The following RIMS2 variants were observed in gnomAD, a reference collection of about 807,000 sequenced individuals.
RIMS2 encodes the protein regulating synaptic membrane exocytosis 2.
A neutral mutation model predicts 174.4 loss-of-function variants in RIMS2; 59 were observed. The observed-to-expected ratio is 0.34, with a 90% CI of 0.27 to 0.42. RIMS2 has a LOEUF of 0.42. Among genes scored for constraint, RIMS2 ranks in the 10% least tolerant of loss-of-function variants. The pLI, the probability that RIMS2 is intolerant of heterozygous loss-of-function variation, is 1.00. For synonymous variants in RIMS2, 606 were observed against 572.5 expected (o/e 1.06, Z -0.84); for missense variants, 1,620 against 1,666.3 (o/e 0.97, Z 0.48).
intron 3 of RIMS2, among the ~76,000 whole-genome samples, chr8:103,783,748 A>G: frequency 6.6e-6 from 1 of 151,280 alleles, no homozygotes. Flanking sequence ...GTGTCTTTAT[A>G]GCAGCATGAT....
intron 1 of RIMS2, among the ~76,000 whole-genome samples, chr8:103,562,095 G>T (rs545476862): frequency 1.3e-5 from 2 of 152,162 alleles, no homozygotes; most frequent in Non-Finnish European, 2.9e-5. Context: ...TGAGATTTGG[G>T]TGAGGAAACA....
intron 19 of RIMS2, among the ~76,000 whole-genome samples, chr8:104,186,477 T>C (rs1226361994): frequency 6.6e-6 from 1 of 151,780 alleles, no homozygotes; most frequent in African/African-American, 2.4e-5. Context: ...ATATTTCTAC[T>C]ACTCTTTACT....
At chr8:103,884,018 G>A (rs1401809505) in intron 3 of RIMS2, among the ~76,000 whole-genome samples, 1 of 151,912 alleles carries the variant, frequency 6.6e-6, no homozygotes, top group East Asian at 1.9e-4. Flanking sequence ...TGTAGCTTCT[G>A]GTTCCTGAAT....
At chr8:103,824,522 T>G (rs926427796) in intron 3 of RIMS2, among the ~76,000 whole-genome samples, 1 of 152,126 alleles carries the variant, frequency 6.6e-6, no homozygotes, top group Non-Finnish European at 1.5e-5. Flanking sequence ...TAGGGAAAAA[T>G]GGAAAAACCC....
chr8:103,615,281 G>A (rs1204647628), intron 1 of RIMS2, among the ~76,000 whole-genome samples: 1 of 152,112 alleles, frequency 6.6e-6, no homozygotes, highest in Admixed American at 6.5e-5. Context: ...CATGACTTCT[G>A]GGTAAATAAT....
intron 1 of RIMS2, among the ~76,000 whole-genome samples, chr8:103,534,544 C>T (rs751514305): frequency 2.9e-4 from 44 of 152,282 alleles, no homozygotes; most frequent in South Asian, 1.5e-3. Flanking sequence ...AAAACATTCT[C>T]ATTGTTTGAT....
At chr8:104,113,177 G>A (rs1048385526) in intron 19 of RIMS2, among the ~76,000 whole-genome samples, 1 of 152,058 alleles carries the variant, frequency 6.6e-6, no homozygotes, top group Non-Finnish European at 1.5e-5. Context: ...TATGTCAGTG[G>A]TTGTCAAATC....
intron 2 of RIMS2, among the ~76,000 whole-genome samples, chr8:103,713,353 T>C (rs1293579129): frequency 6.6e-6 from 1 of 152,152 alleles, no homozygotes; most frequent in Non-Finnish European, 1.5e-5. Context: ...TTGCGGTAAA[T>C]ACATTAGAAT....
chr8:103,740,316 T>C (rs1247314204), intron 2 of RIMS2, among the ~76,000 whole-genome samples: 1 of 152,212 alleles, frequency 6.6e-6, no homozygotes, highest in Admixed American at 6.6e-5. Context: ...TGAGTATTAC[T>C]GCATAAGCCA....
At chr8:104,140,215 CTG>C (rs2098554702) in intron 19 of RIMS2, among the ~76,000 whole-genome samples, 1 of 152,074 alleles carries the variant, frequency 6.6e-6, no homozygotes, top group Admixed American at 6.6e-5. Context: ...ATTCTAACCA[CTG>C]TATTATTTAT....
intron 1 of RIMS2, 122 bp downstream of exon 1, chr8:103,501,184 C>G: frequency 1.5e-6 from 1 of 652,820 alleles, no homozygotes; most frequent in Non-Finnish European, 2.3e-6. Flanking sequence ...GCCCAGGCCA[C>G]GAGGGCTGCG....
chr8:104,192,740 G>A (rs1024416659), intron 19 of RIMS2, among the ~76,000 whole-genome samples: 44 of 152,092 alleles, frequency 2.9e-4, no homozygotes, highest in African/African-American at 1.0e-3. Flanking sequence ...CTTTTAGCAT[G>A]AGTAAGCCTT....
chr8:103,533,847 T>C (rs1285629513), intron 1 of RIMS2, among the ~76,000 whole-genome samples: 2 of 152,196 alleles, frequency 1.3e-5, no homozygotes, highest in Non-Finnish European at 2.9e-5. Context: ...TGAATCATCA[T>C]GTGTTACTGA....
At chr8:103,625,713 C>T (rs914079017) in intron 1 of RIMS2, among the ~76,000 whole-genome samples, 1 of 152,022 alleles carries the variant, frequency 6.6e-6, no homozygotes, top group Non-Finnish European at 1.5e-5. Flanking sequence ...ATTCAGCAAA[C>T]ATTTAACAGA....
At chr8:104,174,953 A>G (rs1239658041) in intron 19 of RIMS2, among the ~76,000 whole-genome samples, 1 of 152,162 alleles carries the variant, frequency 6.6e-6, no homozygotes, top group Non-Finnish European at 1.5e-5. Flanking sequence ...ATGCTTAAGT[A>G]CTCTCTACAA....
At position 104,127,194 on chromosome 8, in the gene RIMS2, G is replaced by A. The variant is rs1031013943; in HGVS notation, c.3334+112579G>A. Reference sequence around the variant, plus strand: ...TTTTTCCATAAGTATGCCTGCTTTTGGCTATTCTAAAATAAAATACCCTAA... The same window carrying A: ...TTTTTCCATAAGTATGCCTGCTTTTAGCTATTCTAAAATAAAATACCCTAA... On this transcript the variant is annotated intron_variant, in intron 19 of 23. Transcript: ENST00000504942. Among the ~76,000 whole-genome samples, 6 of 151,940 alleles carry A rather than the reference G, an allele frequency of 3.9e-5. No homozygotes were observed. In the Middle Eastern group the frequency reaches 0.01, roughly 258 times the overall value.
intron 3 of RIMS2, among the ~76,000 whole-genome samples, chr8:103,865,912 A>G (rs1447534056): frequency 2.0e-5 from 3 of 152,110 alleles, no homozygotes; most frequent in Non-Finnish European, 1.5e-5. Flanking sequence ...TGATAATGCA[A>G]TTGGATTTAG....
chr8:104,035,858 GA>G (rs1368112000), intron 19 of RIMS2, among the ~76,000 whole-genome samples: 1 of 151,824 alleles, frequency 6.6e-6, no homozygotes, highest in Non-Finnish European at 1.5e-5. Context: ...ATTCTTAATT[GA>G]AAAAATTTAT....
intron 19 of RIMS2, among the ~76,000 whole-genome samples, chr8:104,199,270 G>A (rs575843267): frequency 6.6e-6 from 1 of 151,734 alleles, no homozygotes; most frequent in East Asian, 1.9e-4. Flanking sequence ...CACAGTGTTA[G>A]CCAGGAGGGT....
Sources: allele counts gnomAD v4.1 joint callset (sites outside exome capture counted in the v4.1 genomes callset), GRCh38; gene constraint gnomAD v4.1.1; transcripts MANE v1.5; gene names NCBI Gene and HGNC (gene_info 2026-07-23, HGNC 2026-07-21).